ALLC: variants seen among roughly 807,000 people sequenced by gnomAD.
The protein encoded by ALLC is allantoicase.
ALLC carries 40 observed loss-of-function variants against 45.0 expected under a neutral mutation model. That is an observed-to-expected ratio of 0.89 (90% CI 0.69 to 1.16). The LOEUF is 1.16. ALLC is among the 50% of genes most tolerant of loss of function. The pLI is 0.00. For missense variants in ALLC, 488 were observed against 493.1 expected (o/e 0.99, Z 0.10); for synonymous variants, 176 against 178.1 (o/e 0.99, Z 0.09).
intron 2 of ALLC, 102 bp downstream of exon 2, chr2:3,671,292 G>C (rs140963429): frequency 5.7e-6 from 8 of 1,396,452 alleles, no homozygotes; most frequent in African/African-American, 1.4e-5. Flanking sequence ...CAAGAATCAG[G>C]CTGAAGTGTT....
intron 5 of ALLC, 37 bp from the exon 6 acceptor site, chr2:3,681,597 C>A (rs1260448817): frequency 1.3e-6 from 2 of 1,495,866 alleles, no homozygotes; most frequent in Non-Finnish European, 1.8e-6. Context: ...TGATTTTGAA[C>A]CCTAATCTTA....
chr2:3,676,511 G>A (rs956792106), intron 3 of ALLC, among the ~76,000 whole-genome samples: 1 of 151,964 alleles, frequency 6.6e-6, no homozygotes, highest in African/African-American at 2.4e-5. Context: ...CCTCCCAAAT[G>A]GCTGGGATTA....
At chr2:3,685,171 ATT>A (rs1384899949) in intron 7 of ALLC, among the ~76,000 whole-genome samples, 3 of 152,156 alleles carry the variant, frequency 2.0e-5, no homozygotes, top group Non-Finnish European at 4.4e-5. Context: ...ACTAATTTAC[ATT>A]CTCACCAATA....
At position 3,665,777 on chromosome 2, in the gene ALLC, C is replaced by T. The variant is rs370066046; in HGVS notation, c.-62-5319C>T. 1.9e-4 allele frequency among the ~76,000 whole-genome samples: 29 copies of T among 152,240 alleles called. No individual in the cohort carries two copies. The East Asian group carries it at 2.7e-3, about 14-fold the overall frequency. The stretch of plus-strand genomic sequence containing the variant: ...TGAATAGTGCTGCAATGAACATATG[C>T]GTGCATGTATCTTTATAGTAGAACT... On this transcript the variant is annotated intron_variant, in intron 1 of 11. Transcript: ENST00000252505.
chr2:3,692,446 T>C (rs1164649905), intron 7 of ALLC, among the ~76,000 whole-genome samples: 1 of 152,250 alleles, frequency 6.6e-6, no homozygotes, highest in Non-Finnish European at 1.5e-5. Flanking sequence ...AAAGCCACCA[T>C]GGGCTTCATA....
the ALLC span, among the ~76,000 whole-genome samples, chr2:3,650,036 G>A: frequency 6.6e-6 from 1 of 152,244 alleles, no homozygotes; most frequent in Non-Finnish European, 1.5e-5. Context: ...TGATGCATTA[G>A]TGCCCTGGAA....
chr2:3,685,463 CAG>C lies in ALLC; in HGVS notation c.511+2393_511+2394del, dbSNP rs1205931517. 1.3e-5 allele frequency among the ~76,000 whole-genome samples: 2 copies of C among 149,802 alleles called. 1 individual carries two copies. The highest frequency in any genetic ancestry group is 3.0e-5 in the Non-Finnish European group (2 of 67,116). On this transcript the variant is annotated intron_variant, in intron 7 of 11. Transcript: ENST00000252505. ...AGAGAGAGACAGAGAGAGAGAGAGACAGAGACAGACAGACAGAGAGAGACAGA... is the reference window on the plus strand; with the variant it reads ...AGAGAGAGACAGAGAGAGAGAGAGACAGACAGACAGACAGAGAGAGACAGA...
chr2:3,681,611 C>T, intron 5 of ALLC, 23 bp from the exon 6 acceptor site: 1 of 1,574,102 alleles, frequency 6.4e-7, no homozygotes, highest in Non-Finnish European at 8.7e-7. Flanking sequence ...AATCTTAATC[C>T]TGAATGGTCA....
chr2:3,675,387 CAAAAA>C (rs11379495), intron 3 of ALLC, among the ~76,000 whole-genome samples: 3 of 109,696 alleles, frequency 2.7e-5, no homozygotes, highest in Admixed American at 1.9e-4. Context: ...AAGACCCTGT[CAAAAA>C]AAAAAAAAAA....
At chr2:3,699,475 G>A (rs1439754183) in intron 10 of ALLC, among the ~76,000 whole-genome samples, 3 of 152,162 alleles carry the variant, frequency 2.0e-5, no homozygotes, top group Admixed American at 1.3e-4. Context: ...ACATGTGCAT[G>A]TCTTTATGGC....
chr2:3,656,781 A>G (rs1018109691), upstream of ALLC, among the ~76,000 whole-genome samples: 6 of 144,748 alleles, frequency 4.1e-5, no homozygotes, highest in Non-Finnish European at 8.8e-5. Flanking sequence ...CTCGGTGTGG[A>G]GGGCAGAGGT....
chr2:3,694,602 T>G (rs1253043494), intron 7 of ALLC: 1 of 152,210 alleles, frequency 6.6e-6, no homozygotes, highest in Admixed American at 6.5e-5. Flanking sequence ...ATTATAATAT[T>G]TAATGAACTA....
Position 3,680,032 on chromosome 2 carries a change from G to T in ALLC, c.298+38G>T. ...CCACTGTCCCCAAAATGAGAATTAT[G>T]GGTCACATGGCTCCTCTGGCCAGCC... On this transcript the variant is annotated intron_variant, in intron 5 of 11. Transcript: ENST00000252505. This position sits in a 1 kb window ranked among gnomAD's most constrained non-coding sequence, Gnocchi z 4.0. The T allele has an allele frequency of 6.2e-7, 1 of 1,610,708 alleles. No homozygotes were observed. The highest frequency in any genetic ancestry group is 1.3e-5 in the African/African-American group (1 of 74,952).
Position 3,683,060 on chromosome 2 carries a change from T to A in ALLC, c.497T>A (p.Leu166His). 1 of 1,613,412 alleles carries A rather than the reference T, an allele frequency of 6.2e-7. No homozygotes were observed. Among genetic ancestry groups the A allele is most frequent in the South Asian group, 1.1e-5 (1 of 90,868 alleles). ...CAGCAGAGATGGACTCATATCAGAC[T>A]CAACATTTTCCCAGGTAATCGTGAC... Reference protein sequence around the residue: ...NSQQRWTHIRLNIFPDGGIAR... With the variant: ...NSQQRWTHIRHNIFPDGGIAR... Residue 166 changes from leucine to histidine, a missense_variant, in exon 7 of 12, where the codon CTC (leucine) becomes CAC (histidine). Transcript: ENST00000252505.
chr2:3,686,155 A>G (rs943515671), intron 7 of ALLC, among the ~76,000 whole-genome samples: 12 of 151,032 alleles, frequency 7.9e-5, no homozygotes, highest in African/African-American at 1.5e-4. Context: ...TTCATTTTGC[A>G]TAAGGTGAGA....
intron 3 of ALLC, among the ~76,000 whole-genome samples, chr2:3,676,766 G>A (rs2148002967): frequency 6.6e-6 from 1 of 151,796 alleles, no homozygotes; most frequent in South Asian, 2.1e-4. Flanking sequence ...TTATCCCTGG[G>A]ACCAGTCCTT....
chr2:3,702,310 G>T, intron 11 of ALLC, 53 bp from the exon 12 acceptor site: 1 of 1,537,244 alleles, frequency 6.5e-7, no homozygotes, highest in East Asian at 2.3e-5. Flanking sequence ...GGCTCATTCG[G>T]CCACACATGT....
chr2:3,686,632 G>A (rs192799350), intron 7 of ALLC, among the ~76,000 whole-genome samples: 1 of 150,748 alleles, frequency 6.6e-6, no homozygotes, highest in African/African-American at 2.4e-5. Context: ...GTGTTTTATA[G>A]TTTTCCTTGT....
chr2:3,671,100 CA>C lies in ALLC; in HGVS notation c.-57del. The C allele has an allele frequency of 6.3e-7, 1 of 1,585,884 alleles. No homozygotes were observed. Among genetic ancestry groups the C allele is most frequent in the Non-Finnish European group, 8.6e-7 (1 of 1,164,944 alleles). ...GAGCTGCCCTCTCCCTTCCAGGAAG[CA>C]CGGCTGATGCTCCGAAGGAGGGAAG... On this transcript the variant is annotated 5_prime_UTR_variant, in exon 2 of 12. Transcript: ENST00000252505.
Sources: allele counts gnomAD v4.1 joint callset (sites outside exome capture counted in the v4.1 genomes callset), GRCh38; gene constraint gnomAD v4.1.1; non-coding constraint Gnocchi (gnomAD v3.1); transcripts MANE v1.5; gene names NCBI Gene and HGNC (gene_info 2026-07-23, HGNC 2026-07-21).